Variants in BMPR1A observed in about 807,000 individuals in gnomAD.
The protein encoded by BMPR1A is bone morphogenetic protein receptor type-1A.
BMPR1A carries 7 observed loss-of-function variants against 66.0 expected under a neutral mutation model. The observed-to-expected ratio is 0.11, with a 90% confidence interval of 0.06 to 0.20. BMPR1A has a LOEUF of 0.20. Ranked by LOEUF, BMPR1A falls within the 10% of genes least tolerant of loss-of-function variation. The pLI, the probability that BMPR1A is intolerant of heterozygous loss-of-function variation, is 1.00. For missense variants in BMPR1A, 408 were observed against 669.1 expected, an observed-to-expected ratio of 0.61 and a Z score of 4.31; for synonymous variants, 200 against 229.7, an observed-to-expected ratio of 0.87 and a Z score of 1.17.
Position 86,789,890 on chromosome 10 carries a change from C to T in BMPR1A, c.-268+32971C>T, listed in dbSNP as rs538327286. Among the ~76,000 whole-genome samples, 4 of 151,546 alleles carry T rather than the reference C, an allele frequency of 2.6e-5. 1 individual carries two copies. Among genetic ancestry groups the T allele is most frequent in the African/African-American group, 7.3e-5 (3 of 41,354 alleles). On this transcript the variant is annotated intron_variant, in intron 1 of 12. Transcript: ENST00000372037. ...ATAAATCAAAGGCTGGGCACGGTGG[C>T]TCACGCCTGTAATCCTAGCACTTTG... is the stretch of plus-strand genomic sequence containing the variant.
rs1309823116 is a variant in BMPR1A, at chr10:86,811,213, A to G, written c.-267-27652A>G. Among the ~76,000 whole-genome samples the G allele has an allele frequency of 2.6e-5, 4 of 151,806 alleles. No homozygotes were observed. The East Asian group carries it at 7.7e-4, about 29-fold the overall frequency. On this transcript the variant is annotated intron_variant, in intron 1 of 12. Transcript: ENST00000372037. Reference sequence around the variant, plus strand: ...ACCACCACACCCTGCTAATTTTTATATTTTTGGTAGAGACAGAGTTTTGCC... The same window carrying G: ...ACCACCACACCCTGCTAATTTTTATGTTTTTGGTAGAGACAGAGTTTTGCC...
At chr10:86,768,397 C>G (rs1437217194) in intron 1 of BMPR1A, among the ~76,000 whole-genome samples, 6 of 151,928 alleles carry the variant, frequency 3.9e-5, no homozygotes, top group African/African-American at 1.2e-4. Flanking sequence ...GTGTTTGTTC[C>G]TATCGTAGTA....
chr10:86,788,452 G>A (rs1041990070), intron 1 of BMPR1A, among the ~76,000 whole-genome samples: 4 of 152,220 alleles, frequency 2.6e-5, no homozygotes, highest in African/African-American at 9.6e-5. Flanking sequence ...GTGTAAAGCA[G>A]TGTCCAGACA....
chr10:86,910,755 T>G (rs1358949279), intron 7 of BMPR1A, among the ~76,000 whole-genome samples: 1 of 152,226 alleles, frequency 6.6e-6, no homozygotes, highest in South Asian at 2.1e-4. Flanking sequence ...TGTTTCTTAG[T>G]TTCCATTATA....
At chr10:86,771,032 TCTC>T (rs1455174647) in intron 1 of BMPR1A, among the ~76,000 whole-genome samples, 1 of 152,222 alleles carries the variant, frequency 6.6e-6, no homozygotes, top group African/African-American at 2.4e-5. Context: ...CATTTGATCT[TCTC>T]AGTGGCCTGT....
At position 86,876,105 on chromosome 10, in the gene BMPR1A, A is replaced by C; in HGVS notation, c.67+20A>C. On this transcript the variant is annotated intron_variant, in intron 3 of 12. Coordinates refer to ENST00000372037, the MANE Select transcript of BMPR1A (RefSeq NM_004329.3). ...TTCAAGGTAAATCAGTGTTCATTTTAGTAATGTATGTGTGTATATAAAAAG... is the reference window on the plus strand; with the variant it reads ...TTCAAGGTAAATCAGTGTTCATTTTCGTAATGTATGTGTGTATATAAAAAG... 1 of 1,591,816 alleles carries C rather than the reference A, an allele frequency of 6.3e-7. No homozygotes were observed. Among genetic ancestry groups the C allele is most frequent in the Non-Finnish European group, 8.6e-7 (1 of 1,160,220 alleles).
intron 1 of BMPR1A, among the ~76,000 whole-genome samples, chr10:86,761,439 A>G (rs1841056571): frequency 6.6e-6 from 1 of 152,248 alleles, no homozygotes; most frequent in South Asian, 2.1e-4. Context: ...TATGCTAGAG[A>G]TAGGGATAAA....
intron 1 of BMPR1A, among the ~76,000 whole-genome samples, chr10:86,776,040 C>T (rs900618205): frequency 6.6e-6 from 1 of 152,280 alleles, no homozygotes; most frequent in East Asian, 1.9e-4. Context: ...TTTCTATTTG[C>T]CTTCTTGTTC....
intron 1 of BMPR1A, among the ~76,000 whole-genome samples, chr10:86,810,663 G>A (rs924860942): frequency 6.6e-6 from 1 of 152,126 alleles, no homozygotes; most frequent in African/African-American, 2.4e-5. Context: ...TACTGATATC[G>A]TTCAGCATAT....
At chr10:86,765,208 C>A (rs1401765629) in intron 1 of BMPR1A, among the ~76,000 whole-genome samples, 1 of 152,140 alleles carries the variant, frequency 6.6e-6, no homozygotes, top group African/African-American at 2.4e-5. Context: ...AAATCCTTGG[C>A]CAGGTGCTGT....
intron 7 of BMPR1A, among the ~76,000 whole-genome samples, chr10:86,904,653 A>C (rs1168908814): frequency 6.6e-6 from 1 of 152,184 alleles, no homozygotes; most frequent in Non-Finnish European, 1.5e-5. Flanking sequence ...TCCACATAAA[A>C]GAATGAAGAT....
intron 1 of BMPR1A, among the ~76,000 whole-genome samples, chr10:86,795,007 ACAAC>A (rs1392801580): frequency 5.9e-5 from 9 of 151,766 alleles, no homozygotes; most frequent in Non-Finnish European, 1.0e-4. Context: ...ATGCACCACC[ACAAC>A]TAGCTAATTT....
At chr10:86,773,154 TCTTC>T (rs1841291492) in intron 1 of BMPR1A, among the ~76,000 whole-genome samples, 2 of 151,266 alleles carry the variant, frequency 1.3e-5, no homozygotes, top group Non-Finnish European at 2.9e-5. Flanking sequence ...TCCTGAATGT[TCTTC>T]CTTTCCTTCT....
At chr10:86,931,921 T>C (rs747455839), downstream of BMPR1A, 3 of 152,238 alleles carry the variant, frequency 2.0e-5, no homozygotes, top group Non-Finnish European at 4.4e-5. Context: ...ATTGTTACTA[T>C]GCTTCTCATA....
chr10:86,906,295 A>T (rs191187984), intron 7 of BMPR1A, among the ~76,000 whole-genome samples: 13 of 151,666 alleles, frequency 8.6e-5, no homozygotes, highest in Admixed American at 7.9e-4. Context: ...CAGCTACAAT[A>T]CATTTAGAAG....
rs113581649 is a variant in BMPR1A, at chr10:86,890,593, TA to T, written c.230+378del. On this transcript the variant is annotated intron_variant, in intron 4 of 12. Coordinates refer to ENST00000372037, the MANE Select transcript of BMPR1A (RefSeq NM_004329.3). ...GACAACCTCCTACTTCTTTTTAATT[TA>T]AAAAAAAATTTTTTTTTTAACTATA... Among the ~76,000 whole-genome samples the T allele has an allele frequency of 9.3e-5, 14 of 151,210 alleles. 1 individual carries two copies. Among genetic ancestry groups the T allele is most frequent in the African/African-American group, 2.2e-4 (9 of 40,892 alleles).
At chr10:86,816,708 A>G (rs957493420) in intron 1 of BMPR1A, among the ~76,000 whole-genome samples, 2 of 152,228 alleles carry the variant, frequency 1.3e-5, no homozygotes, top group African/African-American at 4.8e-5. Context: ...GCTTCAGGAA[A>G]GAGATCAACA....
chr10:86,841,867 C>A (rs991102485), intron 2 of BMPR1A, among the ~76,000 whole-genome samples: 1 of 152,158 alleles, frequency 6.6e-6, no homozygotes, highest in East Asian at 1.9e-4. Context: ...ACAGAATGAA[C>A]GTTCCATAAA....
chr10:86,820,430 T>A (rs1318048335), intron 1 of BMPR1A, among the ~76,000 whole-genome samples: 1 of 152,122 alleles, frequency 6.6e-6, no homozygotes, highest in Non-Finnish European at 1.5e-5. Context: ...CTGTCAGTTT[T>A]TTCTGTCTCC....
Sources: gnomAD v4.1 joint callset for allele counts (sites outside exome capture counted in the v4.1 genomes callset) on GRCh38, gnomAD v4.1.1 for gene constraint, MANE v1.5 for transcripts, NCBI Gene and HGNC (gene_info 2026-07-23, HGNC 2026-07-21) for gene names.